RBFOX3: variants seen among roughly 807,000 people sequenced by gnomAD.
RBFOX3 encodes the protein RNA binding protein fox-1 homolog 3.
A neutral mutation model predicts 48.7 loss-of-function variants in RBFOX3; 17 were observed. The observed-to-expected ratio is 0.35, with a 90% CI of 0.24 to 0.52. RBFOX3 has a LOEUF of 0.52. Ranked by LOEUF, RBFOX3 falls within the 20% of genes least tolerant of loss-of-function variation. The pLI is 0.94. For synonymous variants in RBFOX3, 212 were observed against 209.5 expected (o/e 1.01, Z -0.10); for missense variants, 382 against 497.5 (o/e 0.77, Z 2.21).
intron 1 of RBFOX3, among the ~76,000 whole-genome samples, chr17:79,529,880 T>A (rs1555786882): frequency 6.6e-6 from 1 of 152,228 alleles, no homozygotes; most frequent in African/African-American, 2.4e-5. Flanking sequence ...GTGAACAACA[T>A]GTTGCTGGGA....
intron 1 of RBFOX3, among the ~76,000 whole-genome samples, chr17:79,564,423 C>G (rs1332886463): frequency 1.3e-5 from 2 of 152,152 alleles, no homozygotes; most frequent in Non-Finnish European, 2.9e-5. Context: ...GGATAATGGC[C>G]GAGCTGGCCT....
intron 3 of RBFOX3, among the ~76,000 whole-genome samples, chr17:79,307,374 CAGAG>C (rs2076243649): frequency 6.6e-6 from 1 of 152,224 alleles, no homozygotes; most frequent in African/African-American, 2.4e-5. Flanking sequence ...CTCCTGTAAA[CAGAG>C]AGTTTAATAA....
chr17:79,266,883 G>A lies in RBFOX3; in HGVS notation c.-73-31078C>T, dbSNP rs959835378. 1.4e-4 allele frequency among the ~76,000 whole-genome samples: 21 copies of A among 152,092 alleles called. No individual in the cohort carries two copies. In the South Asian group the frequency reaches 1.9e-3, roughly 14 times the overall value. On this transcript the variant is annotated intron_variant, in intron 3 of 14. Coordinates refer to ENST00000693108, the MANE Select transcript of RBFOX3 (RefSeq NM_001350451.2). ...GATGGGGTGAGGGCATAGGAGCTCC[G>A]CGCTCCTGCTCAGACCTCACCCTCC...
chr17:79,336,259 C>T (rs959896587), intron 2 of RBFOX3, among the ~76,000 whole-genome samples: 15 of 152,012 alleles, frequency 9.9e-5, no homozygotes, highest in African/African-American at 2.4e-4. Context: ...TGGTGGTATA[C>T]GTCTGTACTC....
chr17:79,354,407 T>C (rs2084561517), intron 2 of RBFOX3, among the ~76,000 whole-genome samples: 3 of 152,130 alleles, frequency 2.0e-5, no homozygotes, highest in Admixed American at 2.0e-4. Context: ...GGAAATTTGC[T>C]CATCAACACA....
intron 2 of RBFOX3, among the ~76,000 whole-genome samples, chr17:79,451,101 C>G (rs56107041): frequency 6.6e-6 from 1 of 152,226 alleles, no homozygotes; most frequent in Non-Finnish European, 1.5e-5. Flanking sequence ...TATGCCAAAC[C>G]CTTCCTCTCG....
At position 79,610,333 on chromosome 17, in the gene RBFOX3, C is replaced by A. The variant is rs1293298984; in HGVS notation, c.-320+493G>T. On this transcript the variant is annotated intron_variant, in intron 1 of 14. Transcript: ENST00000693108. ...GCCGGGTCGCCAGCCTCTCTCCCAC[C>A]CGCGCGGGCTCCGGCTGCCTGCTCG... Among the ~76,000 whole-genome samples the A allele has an allele frequency of 5.9e-5, 9 of 152,064 alleles. No homozygotes were observed. The East Asian group carries it at 1.8e-3, about 30-fold the overall frequency.
At chr17:79,440,649 T>C (rs1319154547) in intron 2 of RBFOX3, among the ~76,000 whole-genome samples, 2 of 152,196 alleles carry the variant, frequency 1.3e-5, no homozygotes, top group Non-Finnish European at 2.9e-5. Context: ...CCCCGGACCA[T>C]GCCCCTCGCA....
intron 3 of RBFOX3, among the ~76,000 whole-genome samples, chr17:79,307,166 A>T (rs1269930088): frequency 6.6e-6 from 1 of 152,238 alleles, no homozygotes; most frequent in Non-Finnish European, 1.5e-5. Context: ...GCGCGGAAGG[A>T]GGGCCTCGCA....
intron 3 of RBFOX3, among the ~76,000 whole-genome samples, chr17:79,274,924 T>C (rs2004381): frequency 0.58 from 85,313 of 146,246 alleles, 25,307 homozygotes; most frequent in South Asian, 0.65. Context: ...ATCCAGGTCA[T>C]TTTCACCCCC....
Position 79,200,953 on chromosome 17 carries a change from A to C in RBFOX3, c.-34+34813T>G, listed in dbSNP as rs77946831. ...GGCCTGGCCAGTCCCAATTCCCTCA[A>C]TATGAGCCTGTCCCTCCCAGCCCTT... On this transcript the variant is annotated intron_variant, in intron 4 of 14. Coordinates refer to ENST00000693108, the MANE Select transcript of RBFOX3 (RefSeq NM_001350451.2). 2.5e-4 allele frequency among the ~76,000 whole-genome samples: 38 copies of C among 152,004 alleles called. No individual in the cohort carries two copies. In the East Asian group the frequency reaches 7.4e-3, roughly 30 times the overall value.
At chr17:79,183,703 G>C (rs916643927) in intron 4 of RBFOX3, among the ~76,000 whole-genome samples, 2 of 152,124 alleles carry the variant, frequency 1.3e-5, no homozygotes, top group African/African-American at 4.8e-5. Context: ...GTGCGTGTGC[G>C]TGTGTGAGTG....
intron 2 of RBFOX3, among the ~76,000 whole-genome samples, chr17:79,437,535 C>T (rs1159312774): frequency 6.6e-6 from 1 of 152,214 alleles, no homozygotes; most frequent in Non-Finnish European, 1.5e-5. Flanking sequence ...GCCCGGGACA[C>T]CCGGTAGGAG....
At chr17:79,631,225 C>T in the RBFOX3 span, among the ~76,000 whole-genome samples, 2 of 152,224 alleles carry the variant, frequency 1.3e-5, no homozygotes, top group East Asian at 3.9e-4. Context: ...GGGAAGGAAC[C>T]CTCCAGCCTT....
chr17:79,211,761 G>A (rs1350024988), intron 4 of RBFOX3, among the ~76,000 whole-genome samples: 5 of 152,124 alleles, frequency 3.3e-5, no homozygotes, highest in Non-Finnish European at 7.4e-5. Context: ...CTGCTGGTTG[G>A]GGCATTTCTA....
At chr17:79,117,025 G>A (rs1483902896) in intron 4 of RBFOX3, among the ~76,000 whole-genome samples, 4 of 152,230 alleles carry the variant, frequency 2.6e-5, no homozygotes, top group Non-Finnish European at 5.9e-5. Context: ...ATCCCAAGAG[G>A]AGGGCTGGGG....
At chr17:79,435,881 A>C (rs1389466131) in intron 2 of RBFOX3, among the ~76,000 whole-genome samples, 3 of 152,254 alleles carry the variant, frequency 2.0e-5, no homozygotes, top group African/African-American at 7.2e-5. Flanking sequence ...TGCTCGGGGA[A>C]TGCAAAGCAA....
chr17:79,206,405 C>T (rs574242821), intron 4 of RBFOX3, among the ~76,000 whole-genome samples: 5 of 152,282 alleles, frequency 3.3e-5, no homozygotes, highest in South Asian at 2.1e-4. Flanking sequence ...TACACTGTGG[C>T]GGATAAGGCT....
chr17:79,189,785 C>T (rs1374889230), intron 4 of RBFOX3, among the ~76,000 whole-genome samples: 1 of 152,192 alleles, frequency 6.6e-6, no homozygotes, highest in Non-Finnish European at 1.5e-5. Context: ...GCCCTTGTGC[C>T]CAGACCATAG....
Sources: gnomAD v4.1 joint callset for allele counts (sites outside exome capture counted in the v4.1 genomes callset) on GRCh38, gnomAD v4.1.1 for gene constraint, MANE v1.5 for transcripts, NCBI Gene and HGNC (gene_info 2026-07-23, HGNC 2026-07-21) for gene names.